The following SUGT1 variants were observed in gnomAD, a reference collection of about 807,000 sequenced individuals.
SUGT1 encodes the protein SGT1 assembly cochaperone of MIS12 kinetochore complex, also known as protein SGT1 homolog.
SUGT1 carries 15 observed loss-of-function variants against 56.1 expected under a neutral mutation model. That is an observed-to-expected ratio of 0.27 (90% CI 0.18 to 0.41). The LOEUF (loss-of-function observed/expected upper bound fraction) is 0.41, where lower values mean the gene tolerates loss of function less well. SUGT1 is among the 10% of genes least tolerant of loss of function. SUGT1 has a pLI of 1.00. For synonymous variants in SUGT1, 123 were observed against 128.6 expected, an observed-to-expected ratio of 0.96 and a Z score of 0.30; for missense variants, 347 against 382.2, an observed-to-expected ratio of 0.91 and a Z score of 0.77.
intron 8 of SUGT1, among the ~76,000 whole-genome samples, chr13:52,665,242 G>C (rs1962645873): frequency 6.6e-6 from 1 of 152,212 alleles, no homozygotes; most frequent in African/African-American, 2.4e-5. Context: ...CTGTAAAATA[G>C]GGATTTAAGT....
At chr13:52,681,836 T>TAAA (rs35537047) in intron 12 of SUGT1, among the ~76,000 whole-genome samples, 2,161 of 133,974 alleles carry the variant, frequency 0.016, 57 homozygotes, top group Admixed American at 0.074. Flanking sequence ...CCTATCTCTT[T>TAAA]AAAAAAAAAA....
rs778857350 is a variant in SUGT1 at position 52,652,909 on chromosome 13, C to T, written c.-12C>T. The stretch of plus-strand genomic sequence containing the variant: ...GTAGCAGCTCCGGCGGCAGCAACAG[C>T]GACTACGAGGGATGGCGGCGGCTGC... On this transcript the variant is annotated 5_prime_UTR_variant, in exon 1 of 13. Transcript: ENST00000310528. 3.1e-6 allele frequency: 5 copies of T among 1,613,358 alleles called. No individual in the cohort carries two copies. Among genetic ancestry groups the T allele is most frequent in the Non-Finnish European group, 3.4e-6 (4 of 1,179,572 alleles).
chr13:52,677,548 G>A (rs1183935091), intron 11 of SUGT1, among the ~76,000 whole-genome samples: 5 of 152,184 alleles, frequency 3.3e-5, no homozygotes, highest in Non-Finnish European at 5.9e-5. Context: ...CACTTTAAAT[G>A]TAGTATCTTA....
chr13:52,699,052 T>A lies in SUGT1; in HGVS notation c.*11217T>A, dbSNP rs189394391. ...GAGAGAACAGAAGTGAGATTAGCAC[T>A]AATCACCTCTAATGCCTTATTTCCA... is the stretch of plus-strand genomic sequence containing the variant. On this transcript the variant is annotated 3_prime_UTR_variant, in exon 13 of 13. Transcript: ENST00000310528. 2.0e-4 allele frequency: 31 copies of A among 152,308 alleles called. No individual in the cohort carries two copies. The highest frequency in any genetic ancestry group is 7.2e-4 in the African/African-American group (30 of 41,578). The allele number at this position is 152,308 out of a possible 1,614,324, so 9.4% of individuals were successfully genotyped here.
intron 10 of SUGT1, among the ~76,000 whole-genome samples, chr13:52,667,435 C>A (rs1247047331): frequency 6.6e-6 from 1 of 152,006 alleles, no homozygotes; most frequent in African/African-American, 2.4e-5. Flanking sequence ...ACCTCTGCCT[C>A]CTGGATCCAA....
chr13:52,664,548 T>G lies in SUGT1; in HGVS notation c.422+491T>G, dbSNP rs1162442001. On this transcript the variant is annotated intron_variant, in intron 8 of 12. Transcript: ENST00000310528. ...TCATTAGCCTGTGTACAGCTTGTAT[T>G]CTTAGGACCGTAACAGAAACACAAG... 2.0e-5 allele frequency among the ~76,000 whole-genome samples: 3 copies of G among 152,248 alleles called. No individual in the cohort carries two copies. In the East Asian group the frequency reaches 5.8e-4, roughly 29 times the overall value.
intron 8 of SUGT1, among the ~76,000 whole-genome samples, chr13:52,664,568 C>A (rs1962604670): frequency 6.6e-6 from 1 of 152,180 alleles, no homozygotes; most frequent in African/African-American, 2.4e-5. Flanking sequence ...GTAACAGAAA[C>A]ACAAGCCGTT....
chr13:52,692,361 A>C lies in SUGT1; in HGVS notation c.*4526A>C, dbSNP rs567539830. Reference sequence around the variant, plus strand: ...GTGGAATGAATGATTTTTATTACCAAATCAGCTGACTGGAAATGAAGCAGA... The same window carrying C: ...GTGGAATGAATGATTTTTATTACCACATCAGCTGACTGGAAATGAAGCAGA... On this transcript the variant is annotated 3_prime_UTR_variant, in exon 13 of 13. Coordinates refer to ENST00000310528, the MANE Select transcript of SUGT1 (RefSeq NM_006704.5). 1 of 152,362 alleles carries C rather than the reference A, an allele frequency of 6.6e-6. No individual in the cohort carries two copies. Among genetic ancestry groups the C allele is most frequent in the East Asian group, 1.9e-4 (1 of 5,186 alleles). 9.4% of individuals were successfully genotyped at this position (152,362 alleles called of 1,614,324 possible). A position where few individuals can be genotyped will look rare whatever the true frequency, so the allele number is the denominator to read the frequency against.
chr13:52,679,924 C>T (rs779384539), intron 11 of SUGT1, 50 bp from the exon 12 acceptor site: 41 of 1,520,660 alleles, frequency 2.7e-5, no homozygotes, highest in Non-Finnish European at 3.4e-5. Flanking sequence ...ATATTCTCGA[C>T]ATAATTGAAA....
intron 10 of SUGT1, among the ~76,000 whole-genome samples, chr13:52,672,994 T>G (rs371944614): frequency 1.3e-5 from 2 of 152,168 alleles, no homozygotes; most frequent in East Asian, 3.8e-4. Context: ...CCTGTACATA[T>G]GAGAGCAACA....
At chr13:52,653,486 G>A (rs537827721) in intron 2 of SUGT1, among the ~76,000 whole-genome samples, 2 of 152,248 alleles carry the variant, frequency 1.3e-5, no homozygotes, top group East Asian at 1.9e-4. Flanking sequence ...TTACGTAAAA[G>A]TGTCGGTATG....
At chr13:52,682,725 A>G (rs1963425254) in intron 12 of SUGT1, among the ~76,000 whole-genome samples, 2 of 152,162 alleles carry the variant, frequency 1.3e-5, no homozygotes, top group Non-Finnish European at 2.9e-5. Context: ...TGTGATCTAT[A>G]TGTATGTTCC....
intron 6 of SUGT1, 32 bp from the exon 7 acceptor site, chr13:52,663,064 C>G (rs899584185): frequency 3.7e-6 from 6 of 1,602,096 alleles, no homozygotes; most frequent in Middle Eastern, 1.7e-4. Flanking sequence ...TGCACTGTTC[C>G]CTGAAAATGT....
chr13:52,659,330 TC>T, intron 5 of SUGT1, 81 bp downstream of exon 5: 1 of 860,194 alleles, frequency 1.2e-6, no homozygotes, highest in Non-Finnish European at 1.7e-6. Flanking sequence ...AATGTTAATT[TC>T]AAGTTAATTG....
chr13:52,662,400 A>G (rs1440444785), intron 5 of SUGT1, among the ~76,000 whole-genome samples: 1 of 152,230 alleles, frequency 6.6e-6, no homozygotes, highest in African/African-American at 2.4e-5. Flanking sequence ...TATCTGTGAA[A>G]TTAAGGTTGA....
intron 5 of SUGT1, among the ~76,000 whole-genome samples, chr13:52,659,903 A>G (rs1481292646): frequency 7.2e-6 from 1 of 139,304 alleles, no homozygotes; most frequent in African/African-American, 2.7e-5. Flanking sequence ...ATCTCGACTC[A>G]CTGCAAGCTC....
intron 7 of SUGT1, 138 bp downstream of exon 7, chr13:52,663,250 C>T: frequency 1.3e-6 from 1 of 757,508 alleles, no homozygotes. Flanking sequence ...TTCCTCTAGG[C>T]ACTGAAATAA....
At position 52,688,929 on chromosome 13, in the gene SUGT1, G is replaced by C. The variant is rs1484300149; in HGVS notation, c.*1094G>C. On this transcript the variant is annotated 3_prime_UTR_variant, in exon 13 of 13. Coordinates refer to ENST00000310528, the MANE Select transcript of SUGT1 (RefSeq NM_006704.5). The stretch of plus-strand genomic sequence containing the variant: ...ACAGTCTAGGCTGTTATAAAGTATA[G>C]ACTATGGATGACCTGTAGATCTGAC... 9 of 152,136 alleles carry C rather than the reference G, an allele frequency of 5.9e-5. No individual in the cohort carries two copies. Among genetic ancestry groups the C allele is most frequent in the African/African-American group, 1.9e-4 (8 of 41,444 alleles). 9.4% of individuals were successfully genotyped at this position (152,136 alleles called of 1,614,324 possible).
intron 10 of SUGT1, among the ~76,000 whole-genome samples, chr13:52,673,721 GT>G (rs1426156143): frequency 2.6e-5 from 4 of 152,200 alleles, no homozygotes; most frequent in Admixed American, 2.6e-4. Context: ...CTGTGGCCAA[GT>G]TTAATGTGGT....
Sources: gnomAD v4.1 joint callset for allele counts (sites outside exome capture counted in the v4.1 genomes callset) on GRCh38, gnomAD v4.1.1 for gene constraint, MANE v1.5 for transcripts, NCBI Gene and HGNC (gene_info 2026-07-23, HGNC 2026-07-21) for gene names.